The following ZNF431 variants were observed in gnomAD, a reference collection of about 807,000 sequenced individuals.
ZNF431 encodes the protein zinc finger protein 431.
In ZNF431, 34 loss-of-function variants were observed where a neutral mutation model predicts 57.0. The ratio of observed to expected loss-of-function variants is 0.60; its 90% confidence interval spans 0.45 to 0.79. The LOEUF (loss-of-function observed/expected upper bound fraction) is 0.79, where lower values mean the gene tolerates loss of function less well. Among genes scored for constraint, ZNF431 ranks in the 30% least tolerant of loss-of-function variants. ZNF431 has a pLI of 0.00. For missense variants in ZNF431, 607 were observed against 667.1 expected (o/e 0.91, Z 0.99); for synonymous variants, 207 against 220.3 (o/e 0.94, Z 0.54).
At chr19:21,143,391 C>G (rs1969995224) in intron 1 of ZNF431, among the ~76,000 whole-genome samples, 160 bp from the exon 2 acceptor site, 1 of 152,024 alleles carries the variant, frequency 6.6e-6, no homozygotes, top group Non-Finnish European at 1.5e-5. Context: ...TCAAGGTTTT[C>G]CTTTGGAAAC....
rs750790580 is a variant in ZNF431 at position 21,190,042 on chromosome 19, G to C, written c.*6008G>C. On this transcript the variant is annotated 3_prime_UTR_variant, in exon 5 of 5. Transcript: ENST00000311048. ...ACCTCAGCTGGGTGTGGTGGTGCAG[G>C]CCTGTAATCTCAGCTACTCCAGAGG... 5.2e-6 allele frequency: 2 copies of C among 384,244 alleles called. No individual in the cohort carries two copies. Among genetic ancestry groups the C allele is most frequent in the Non-Finnish European group, 9.2e-6 (2 of 217,550 alleles). The allele number at this position is 384,244 out of a possible 1,614,324, so 23.8% of individuals were successfully genotyped here. A position where few individuals can be genotyped will look rare whatever the true frequency, so the allele number is the denominator to read the frequency against.
chr19:21,144,878 T>C (rs571278956), intron 2 of ZNF431, among the ~76,000 whole-genome samples: 9 of 152,212 alleles, frequency 5.9e-5, no homozygotes, highest in South Asian at 4.1e-4. Flanking sequence ...AATCCTGTTA[T>C]CTTGATTTCT....
chr19:21,177,025 TTTAGTTTAA>T (rs1217563874), intron 4 of ZNF431, among the ~76,000 whole-genome samples: 1 of 152,192 alleles, frequency 6.6e-6, no homozygotes, highest in Non-Finnish European at 1.5e-5. Context: ...GCAGTAGCTC[TTTAGTTTAA>T]TTAGATCCCA....
Position 21,187,493 on chromosome 19 carries a change from CTT to C in ZNF431, c.*3461_*3462del, listed in dbSNP as rs1971404274. 6.9e-6 allele frequency: 1 copy of C among 145,326 alleles called. No homozygotes were observed. Among genetic ancestry groups the C allele is most frequent in the South Asian group, 2.2e-4 (1 of 4,478 alleles). The allele number at this position is 145,326 out of a possible 1,614,324, so 9.0% of individuals were successfully genotyped here. On this transcript the variant is annotated 3_prime_UTR_variant, in exon 5 of 5. Coordinates refer to ENST00000311048, the MANE Select transcript of ZNF431 (RefSeq NM_133473.4). The stretch of plus-strand genomic sequence containing the variant: ...GTGGCTCACGCCTGTAATCCCAGCA[CTT>C]TGGGAGGCCAAGGTGGGCGAATCAC...
chr19:21,184,585 C>T lies in ZNF431; in HGVS notation c.*551C>T, dbSNP rs1971315728. 1 of 153,446 alleles carries T rather than the reference C, an allele frequency of 6.5e-6. No homozygotes were observed. Among genetic ancestry groups the T allele is most frequent in the Non-Finnish European group, 1.5e-5 (1 of 68,214 alleles). The allele number at this position is 153,446 out of a possible 1,614,324, so 9.5% of individuals were successfully genotyped here. A position where few individuals can be genotyped will look rare whatever the true frequency, so the allele number is the denominator to read the frequency against. On this transcript the variant is annotated 3_prime_UTR_variant, in exon 5 of 5. Coordinates refer to ENST00000311048, the MANE Select transcript of ZNF431 (RefSeq NM_133473.4). Reference sequence around the variant, plus strand: ...AGATAAAGCCTTTAAATGGTTGTCACACTTCATTGTAGGTAAGATAATTCA... The same window carrying T: ...AGATAAAGCCTTTAAATGGTTGTCATACTTCATTGTAGGTAAGATAATTCA...
chr19:21,145,727 A>T (rs981105091), intron 2 of ZNF431, among the ~76,000 whole-genome samples: 1 of 151,718 alleles, frequency 6.6e-6, no homozygotes, highest in African/African-American at 2.4e-5. Context: ...AGATTTATGT[A>T]AAAAAAAATT....
At chr19:21,144,393 A>C (rs2144915562) in intron 2 of ZNF431, among the ~76,000 whole-genome samples, 1 of 151,842 alleles carries the variant, frequency 6.6e-6, no homozygotes. Flanking sequence ...TAGTAGAGAC[A>C]GGGTTTCATC....
At position 21,182,688 on chromosome 19, in the gene ZNF431, G is replaced by C. The variant is rs1356125342; in HGVS notation, c.385G>C (p.Val129Leu). The change falls in exon 5 of 5, where the codon GTA becomes CTA. Residue 129 changes from valine (V) to leucine (L), a missense_variant. By Grantham distance (32) the Val-to-Leu change is conservative. Coordinates refer to ENST00000311048, the MANE Select transcript of ZNF431 (RefSeq NM_133473.4). ...EQDIKDSFQQ[V>L]ILRRYGKCEH... is the part of the protein sequence containing the mutation. ...AGACATAAAAGATTCTTTTCAACAAGTAATACTGAGAAGATATGGCAAATG... is the reference window on the plus strand; with the variant it reads ...AGACATAAAAGATTCTTTTCAACAACTAATACTGAGAAGATATGGCAAATG... 6.2e-7 allele frequency: 1 copy of C among 1,613,724 alleles called. No homozygotes were observed. The highest frequency in any genetic ancestry group is 8.5e-7 in the Non-Finnish European group (1 of 1,179,812).
chr19:21,158,704 G>GT (rs1970492827), intron 2 of ZNF431, among the ~76,000 whole-genome samples: 2 of 152,208 alleles, frequency 1.3e-5, no homozygotes, highest in African/African-American at 4.8e-5. Context: ...TTGTTTATCA[G>GT]TTTAAACAGC....
intron 4 of ZNF431, chr19:21,169,710 TTA>T: frequency 2.5e-6 from 1 of 398,146 alleles, no homozygotes; most frequent in Non-Finnish European, 4.4e-6. Flanking sequence ...AGTTGGCTCC[TTA>T]TATAATGGCC....
chr19:21,156,636 T>C (rs905463832), intron 2 of ZNF431, among the ~76,000 whole-genome samples: 3 of 152,164 alleles, frequency 2.0e-5, no homozygotes, highest in Admixed American at 6.5e-5. Context: ...TGTTTCACTT[T>C]AGCTTTCTAA....
At chr19:21,162,030 G>GT (rs1231029124) in intron 2 of ZNF431, among the ~76,000 whole-genome samples, 1 of 152,082 alleles carries the variant, frequency 6.6e-6, no homozygotes, top group African/African-American at 2.4e-5. Flanking sequence ...AGGCTGGAGT[G>GT]TAGTGGTGCA....
rs1555712197 is a variant in ZNF431 at position 21,184,201 on chromosome 19, T to A, written c.*167T>A. 3 of 579,934 alleles carry A rather than the reference T, an allele frequency of 5.2e-6. No individual in the cohort carries two copies. Among genetic ancestry groups the A allele is most frequent in the Non-Finnish European group, 5.8e-6 (2 of 343,524 alleles). 35.9% of individuals were successfully genotyped at this position (579,934 alleles called of 1,614,324 possible). A position where few individuals can be genotyped will look rare whatever the true frequency, so the allele number is the denominator to read the frequency against. ...CCTGTCTCTACTAAAAATACAAAAA[T>A]TATCTGGGTGTGGTGGCACGTGCCT... On this transcript the variant is annotated 3_prime_UTR_variant, in exon 5 of 5. Transcript: ENST00000311048.
chr19:21,150,068 C>G, intron 2 of ZNF431: 1 of 631,682 alleles, frequency 1.6e-6, no homozygotes, highest in Non-Finnish European at 3.0e-6. Flanking sequence ...AAGGATGTCC[C>G]CTTTGTCAGC....
chr19:21,159,006 G>C (rs1970500757), intron 2 of ZNF431, among the ~76,000 whole-genome samples: 1 of 152,170 alleles, frequency 6.6e-6, no homozygotes, highest in Non-Finnish European at 1.5e-5. Flanking sequence ...TGCCTAGTTT[G>C]TTGAGGGTTT....
intron 2 of ZNF431, among the ~76,000 whole-genome samples, chr19:21,144,899 C>T (rs1970039538): frequency 6.6e-6 from 1 of 152,142 alleles, no homozygotes; most frequent in South Asian, 2.1e-4. Context: ...GAGTTTCATG[C>T]TACATTTTAT....
At chr19:21,167,694 A>T in intron 4 of ZNF431, 28 bp downstream of exon 4, 1 of 1,479,142 alleles carries the variant, frequency 6.8e-7, no homozygotes, top group Non-Finnish European at 9.1e-7. Context: ...AAAACAGATG[A>T]CACAGATGAG....
At chr19:21,173,515 T>C (rs561566193) in intron 4 of ZNF431, among the ~76,000 whole-genome samples, 43 of 152,238 alleles carry the variant, frequency 2.8e-4, no homozygotes, top group Admixed American at 6.5e-4. Flanking sequence ...TTTTATTTCT[T>C]TATTATTTTT....
At chr19:21,163,478 A>G (rs556120740) in intron 2 of ZNF431, among the ~76,000 whole-genome samples, 9 of 152,314 alleles carry the variant, frequency 5.9e-5, no homozygotes, top group African/African-American at 1.7e-4. Flanking sequence ...ACTTTTTCCA[A>G]ACCTGCAGAT....
Sources: allele counts gnomAD v4.1 joint callset (sites outside exome capture counted in the v4.1 genomes callset), GRCh38; gene constraint gnomAD v4.1.1; transcripts MANE v1.5; gene names NCBI Gene and HGNC (gene_info 2026-07-23, HGNC 2026-07-21).